Variants in SPINT1 observed in about 807,000 individuals in gnomAD.
SPINT1 encodes serine peptidase inhibitor, Kunitz type 1.
SPINT1 carries 38 observed loss-of-function variants against 53.7 expected under a neutral mutation model. The ratio of observed to expected loss-of-function variants is 0.71; its 90% CI spans 0.55 to 0.93. The LOEUF (loss-of-function observed/expected upper bound fraction) is 0.93, where lower values mean the gene tolerates loss of function less well. Ranked by LOEUF, SPINT1 falls within the 40% of genes least tolerant of loss-of-function variation. The pLI, the probability that SPINT1 is intolerant of heterozygous loss-of-function variation, is 0.00. For missense variants in SPINT1, 645 were observed against 692.9 expected (o/e 0.93, Z 0.78); for synonymous variants, 283 against 280.6 (o/e 1.01, Z -0.08).
At chr15:40,854,186 C>A in intron 6 of SPINT1, 100 bp downstream of exon 6, 1 of 1,406,146 alleles carries the variant, frequency 7.1e-7, no homozygotes, top group Non-Finnish European at 9.7e-7. Flanking sequence ...AGCCATTCCT[C>A]CCCTCAGAGT....
rs1280254044 is a variant in SPINT1, at chr15:40,854,531, TG to T, written c.1066+14del. 4 of 1,613,496 alleles carry T rather than the reference TG, an allele frequency of 2.5e-6. No individual in the cohort carries two copies. The highest frequency in any genetic ancestry group is 3.4e-6 in the Non-Finnish European group (4 of 1,179,822). On this transcript the variant is annotated intron_variant, in intron 7 of 10. Coordinates refer to ENST00000562057, the MANE Select transcript of SPINT1 (RefSeq NM_003710.4). ...GGCTGCCTGTGAAAAATGTGAGGCCTGGGGGATAGAGGGGGTTGGGCAGCAG... is the reference window on the plus strand; with the variant it reads ...GGCTGCCTGTGAAAAATGTGAGGCCTGGGGATAGAGGGGGTTGGGCAGCAG...
chr15:40,857,127 C>T lies in SPINT1; in HGVS notation c.*152C>T. Reference sequence around the variant, plus strand: ...GCTCCAGCCCCTCTTGGAGAAGTCTCAGCTAAGCTCACGTCCTGAGAAAGC... The same window carrying T: ...GCTCCAGCCCCTCTTGGAGAAGTCTTAGCTAAGCTCACGTCCTGAGAAAGC... On this transcript the variant is annotated 3_prime_UTR_variant, in exon 11 of 11. Transcript: ENST00000562057. 1 of 1,021,608 alleles carries T rather than the reference C, an allele frequency of 9.8e-7. No homozygotes were observed. Among genetic ancestry groups the T allele is most frequent in the African/African-American group, 1.6e-5 (1 of 61,682 alleles). 63.3% of individuals were successfully genotyped at this position (1,021,608 alleles called of 1,614,324 possible). A position where few individuals can be genotyped will look rare whatever the true frequency, so the allele number is the denominator to read the frequency against.
chr15:40,855,943 G>A lies in SPINT1; in HGVS notation c.1169G>A (p.Arg390His), dbSNP rs1358454566. 4.3e-6 allele frequency: 7 copies of A among 1,614,108 alleles called. No individual in the cohort carries two copies. Among genetic ancestry groups the A allele is most frequent in the African/African-American group, 2.7e-5 (2 of 74,942 alleles). ...DTGLCKESIP[R>H]WYYNPFSEHC... is the part of the protein sequence containing the mutation. Reference sequence around the variant, plus strand: ...GGACTCTGCAAGGAGAGCATCCCGCGCTGGTACTACAACCCCTTCAGCGAA... The same window carrying A: ...GGACTCTGCAAGGAGAGCATCCCGCACTGGTACTACAACCCCTTCAGCGAA... Residue 390 changes from arginine to histidine, a missense_variant, in exon 9 of 11, where the codon CGC becomes CAC. Physicochemically the swap from Arg to His is conservative, Grantham distance 29 (BLOSUM62 0). Coordinates refer to ENST00000562057, the MANE Select transcript of SPINT1 (RefSeq NM_003710.4).
In SPINT1 at chr15:40,853,235, C is replaced by G. The variant is rs755237849; in HGVS notation, c.587C>G (p.Thr196Arg). 7 of 1,614,074 alleles carry G rather than the reference C, an allele frequency of 4.3e-6. No homozygotes were observed. Among genetic ancestry groups the G allele is most frequent in the Middle Eastern group, 1.6e-4 (1 of 6,082 alleles). Residue 196 changes from threonine (T) to arginine (R), a missense_variant, in exon 3 of 11, where the codon ACG (threonine) becomes AGG (arginine). Coordinates refer to ENST00000562057, the MANE Select transcript of SPINT1 (RefSeq NM_003710.4). The part of the protein sequence containing the change: ...NTDWRLLRGD[T>R]DVRVERKDPN... ...GATTGGCGCCTACTGCGGGGTGACA[C>G]GGATGTCAGGGTAGAGGTGAGACAC... is the stretch of plus-strand genomic sequence containing the variant.
intron 2 of SPINT1, among the ~76,000 whole-genome samples, chr15:40,850,274 G>T (rs1050939072): frequency 6.6e-6 from 1 of 152,106 alleles, no homozygotes; most frequent in African/African-American, 2.4e-5. Flanking sequence ...GTTTCTCCAT[G>T]TTGGTCAGGG....
chr15:40,853,684 G>A (rs201440714), intron 4 of SPINT1, 27 bp from the exon 5 acceptor site: 149 of 1,613,872 alleles, frequency 9.2e-5, no homozygotes, highest in East Asian at 1.1e-4. Context: ...TTGGCCGCAC[G>A]GTCCCCTCAT....
At position 40,853,916 on chromosome 15, in the gene SPINT1, G is replaced by A. The variant is rs754526601; in HGVS notation, c.913+35G>A. 2.0e-5 allele frequency: 32 copies of A among 1,613,996 alleles called. 1 individual carries two copies. The South Asian group carries it at 2.5e-4, about 13-fold the overall frequency. ...TGAGAGGCAGCTCTGGGGCTCAGGCGACTTTCCCCCAGGGTGAGTGGTCTC... is the reference window on the plus strand; with the variant it reads ...TGAGAGGCAGCTCTGGGGCTCAGGCAACTTTCCCCCAGGGTGAGTGGTCTC... On this transcript the variant is annotated intron_variant, in intron 5 of 10. Transcript: ENST00000562057.
At chr15:40,849,158 A>C (rs1338124951) in intron 2 of SPINT1, among the ~76,000 whole-genome samples, 1 of 151,804 alleles carries the variant, frequency 6.6e-6, no homozygotes, top group African/African-American at 2.4e-5. Flanking sequence ...AGGCAGGAGA[A>C]TGGTGTGAAC....
At position 40,855,757 on chromosome 15, in the gene SPINT1, G is replaced by T; in HGVS notation, c.1118-135G>T. Reference sequence around the variant, plus strand: ...TCTGGCACCACTGCAGCTGGGCCAGGTGTTTTGGGGCCTCTCAGGCCCTCC... The same window carrying T: ...TCTGGCACCACTGCAGCTGGGCCAGTTGTTTTGGGGCCTCTCAGGCCCTCC... On this transcript the variant is annotated intron_variant, in intron 8 of 10. Coordinates refer to ENST00000562057, the MANE Select transcript of SPINT1 (RefSeq NM_003710.4). 7 of 859,956 alleles carry T rather than the reference G, an allele frequency of 8.1e-6. 1 individual carries two copies. The highest frequency in any genetic ancestry group is 1.2e-5 in the Non-Finnish European group (7 of 575,720). 53.3% of individuals were successfully genotyped at this position (859,956 alleles called of 1,614,324 possible). A position where few individuals can be genotyped will look rare whatever the true frequency, so the allele number is the denominator to read the frequency against.
At position 40,844,108 on chromosome 15, in the gene SPINT1, G is replaced by A; in HGVS notation, c.-144G>A. On this transcript the variant is annotated 5_prime_UTR_variant, in exon 1 of 11. Transcript: ENST00000562057. This position sits in a 1 kb window ranked among gnomAD's most constrained non-coding sequence, Gnocchi z 5.8. Reference sequence around the variant, plus strand: ...GCCCCAGCTCTCCGAGCACCGGGTCGGAAGCCGCGACCCGAGCCGCGCAGG... The same window carrying A: ...GCCCCAGCTCTCCGAGCACCGGGTCAGAAGCCGCGACCCGAGCCGCGCAGG... 2.3e-6 allele frequency: 1 copy of A among 432,778 alleles called. No individual in the cohort carries two copies. The highest frequency in any genetic ancestry group is 4.6e-6 in the Non-Finnish European group (1 of 218,762). The allele number at this position is 432,778 out of a possible 1,614,324, so 26.8% of individuals were successfully genotyped here.
At chr15:40,853,926 C>T (rs748090236) in intron 5 of SPINT1, 45 bp downstream of exon 5, 4 of 1,614,082 alleles carry the variant, frequency 2.5e-6, no homozygotes, top group East Asian at 2.2e-5. Context: ...GACTTTCCCC[C>T]AGGGTGAGTG....
chr15:40,847,015 G>C (rs553818570), intron 2 of SPINT1, among the ~76,000 whole-genome samples: 13 of 152,302 alleles, frequency 8.5e-5, no homozygotes, highest in African/African-American at 2.9e-4. Context: ...CCTCTCCAGA[G>C]CCAGAGTGTG....
rs2142018462 is a variant in SPINT1 at position 40,856,842 on chromosome 15, GCTT to G, written c.1414_1416del (p.Phe472del). ...GTGGTGGTAGCCATCTTGGGTTACT[GCTT>G]CTTCAAGAACCAGAGAAAGGACTTC... On this transcript the variant is annotated inframe_deletion, in exon 11 of 11. Coordinates refer to ENST00000562057, the MANE Select transcript of SPINT1 (RefSeq NM_003710.4). 1.9e-6 allele frequency: 3 copies of G among 1,614,136 alleles called. No individual in the cohort carries two copies. The highest frequency in any genetic ancestry group is 1.7e-6 in the Non-Finnish European group (2 of 1,180,020).
chr15:40,856,491 G>A (rs1266061385), intron 10 of SPINT1, among the ~76,000 whole-genome samples, 168 bp downstream of exon 10: 1 of 152,148 alleles, frequency 6.6e-6, no homozygotes, highest in African/African-American at 2.4e-5. Flanking sequence ...GAGGGAGGGA[G>A]TACAGTAAAG....
chr15:40,848,600 A>G lies in SPINT1; in HGVS notation c.475+3571A>G, dbSNP rs185192817. 2.9e-3 allele frequency among the ~76,000 whole-genome samples: 440 copies of G among 152,328 alleles called. 2 individuals are homozygous for G. Among genetic ancestry groups the G allele is most frequent in the African/African-American group, 9.9e-3 (410 of 41,574 alleles). On this transcript the variant is annotated intron_variant, in intron 2 of 10. Coordinates refer to ENST00000562057, the MANE Select transcript of SPINT1 (RefSeq NM_003710.4). ...AAGGTAGCATGGTTTAGTTCTTAGG[A>G]GAGAAAGAAAGAAAATCTAAATCAG...
chr15:40,844,689 C>T lies in SPINT1; in HGVS notation c.135C>T (p.Pro45=). The part of the protein sequence containing the change: ...AGPPPAPPGL[P]AGADCLNSFT... ...CACCGCCCGCGCCCCCTGGGCTGCC[C>T]GCGGGAGCCGACTGCCTGAACAGCT... Residue 45 remains proline (P), a synonymous_variant, in exon 2 of 11, where the codon CCC becomes CCT. Coordinates refer to ENST00000562057, the MANE Select transcript of SPINT1 (RefSeq NM_003710.4). This position sits in a 1 kb window ranked among gnomAD's most constrained non-coding sequence, Gnocchi z 5.8. 1 of 1,606,924 alleles carries T rather than the reference C, an allele frequency of 6.2e-7. No individual in the cohort carries two copies. The highest frequency in any genetic ancestry group is 8.5e-7 in the Non-Finnish European group (1 of 1,176,812).
intron 2 of SPINT1, among the ~76,000 whole-genome samples, chr15:40,848,496 T>C (rs1891358837): frequency 1.3e-5 from 2 of 152,220 alleles, no homozygotes; most frequent in South Asian, 4.1e-4. Flanking sequence ...TAACGAAGAA[T>C]TGGAAACAAT....
chr15:40,846,969 A>G (rs1425114493), intron 2 of SPINT1, among the ~76,000 whole-genome samples: 1 of 152,206 alleles, frequency 6.6e-6, no homozygotes, highest in East Asian at 1.9e-4. Flanking sequence ...TGAGTTGCTC[A>G]TGCCCTTCCT....
rs1349859865 is a variant in SPINT1 at position 40,857,852 on chromosome 15, C to CG, written c.*880dup. ...CCAGAGGGGAGGAGTGAGCGGGCCA[C>CG]GGGAGCCACGAGTGTGGGGAGGCTG... On this transcript the variant is annotated 3_prime_UTR_variant, in exon 11 of 11. Transcript: ENST00000562057. 1 of 152,450 alleles carries CG rather than the reference C, an allele frequency of 6.6e-6. No homozygotes were observed. Among genetic ancestry groups the CG allele is most frequent in the Admixed American group, 6.5e-5 (1 of 15,284 alleles). 9.4% of individuals were successfully genotyped at this position (152,450 alleles called of 1,614,324 possible). A position where few individuals can be genotyped will look rare whatever the true frequency, so the allele number is the denominator to read the frequency against.
Sources: gnomAD v4.1 joint callset for allele counts (sites outside exome capture counted in the v4.1 genomes callset) on GRCh38, gnomAD v4.1.1 for gene constraint, Gnocchi (gnomAD v3.1) non-coding constraint, MANE v1.5 for transcripts, NCBI Gene and HGNC (gene_info 2026-07-23, HGNC 2026-07-21) for gene names.